The following TARS3 variants were observed in gnomAD, a reference collection of about 807,000 sequenced individuals.
TARS3 encodes threonine--tRNA ligase 2, cytoplasmic.
A neutral mutation model predicts 103.5 loss-of-function variants in TARS3; 94 were observed. The observed-to-expected ratio is 0.91, with a 90% CI of 0.77 to 1.08. TARS3 has a LOEUF of 1.08. Among genes scored for constraint, TARS3 ranks in the 50% least tolerant of loss-of-function variants. TARS3 has a pLI of 0.00. For missense variants in TARS3, 952 were observed against 995.2 expected, an observed-to-expected ratio of 0.96 and a Z score of 0.58; for synonymous variants, 416 against 355.4, an observed-to-expected ratio of 1.17 and a Z score of -1.92.
intron 12 of TARS3, among the ~76,000 whole-genome samples, chr15:101,677,799 A>G (rs1310461516): frequency 2.8e-5 from 4 of 143,288 alleles, no homozygotes; most frequent in Non-Finnish European, 6.2e-5. Context: ...AGCCTGGCTA[A>G]TTTTGTATTT....
intron 18 of TARS3, 56 bp from the exon 19 acceptor site, chr15:101,654,786 A>C (rs1897136968): frequency 6.6e-7 from 1 of 1,514,714 alleles, no homozygotes; most frequent in Non-Finnish European, 9.1e-7. Context: ...ACCAAACATT[A>C]AGTCAGCAGT....
At chr15:101,709,705 G>A (rs994788728) in intron 5 of TARS3, among the ~76,000 whole-genome samples, 8 of 152,178 alleles carry the variant, frequency 5.3e-5, no homozygotes, top group Admixed American at 2.0e-4. Flanking sequence ...AGCTCCATGA[G>A]GACAGACTGG....
intron 3 of TARS3, among the ~76,000 whole-genome samples, chr15:101,719,737 T>G (rs1900351614): frequency 6.6e-6 from 1 of 152,158 alleles, no homozygotes; most frequent in Non-Finnish European, 1.5e-5. Flanking sequence ...CTTCCACCGC[T>G]AGACACAAAG....
chr15:101,683,072 TTTTG>T (rs1898318975), intron 12 of TARS3, among the ~76,000 whole-genome samples: 1 of 152,162 alleles, frequency 6.6e-6, no homozygotes, highest in South Asian at 2.1e-4. Context: ...GAGAACCAGC[TTTTG>T]TTTTATTTTT....
At chr15:101,690,835 C>A (rs1220412227) in intron 10 of TARS3, among the ~76,000 whole-genome samples, 1 of 152,044 alleles carries the variant, frequency 6.6e-6, no homozygotes, top group Non-Finnish European at 1.5e-5. Flanking sequence ...GCATTTTTTT[C>A]ACATTAATAT....
At chr15:101,657,950 T>C in intron 16 of TARS3, 93 bp from the exon 17 acceptor site, 1 of 793,584 alleles carries the variant, frequency 1.3e-6, no homozygotes, top group Non-Finnish European at 1.9e-6. Context: ...TTTAAAGACT[T>C]CACAAGAGGG....
chr15:101,676,145 T>C lies in TARS3; in HGVS notation c.1651-408A>G, dbSNP rs76696595. Among the ~76,000 whole-genome samples, 94 of 152,182 alleles carry C rather than the reference T, an allele frequency of 6.2e-4. 1 individual carries two copies. In the East Asian group the frequency reaches 0.015, roughly 24 times the overall value. On this transcript the variant is annotated intron_variant, in intron 12 of 18. Transcript: ENST00000335968. ...GACTAAGTCGGGGGGCTGCATACGATGGGCTGAAGGGCAGAGGGGCAGTGT... is the reference window on the plus strand; with the variant it reads ...GACTAAGTCGGGGGGCTGCATACGACGGGCTGAAGGGCAGAGGGGCAGTGT...
Position 101,724,378 on chromosome 15 carries a change from C to T in TARS3, c.10G>A (p.Glu4Lys), listed in dbSNP as rs769553250. 5 of 1,505,680 alleles carry T rather than the reference C, an allele frequency of 3.3e-6. No individual in the cohort carries two copies. Among genetic ancestry groups the T allele is most frequent in the Non-Finnish European group, 3.5e-6 (4 of 1,133,706 alleles). The allele number at this position is 1,505,680 out of a possible 1,614,324, so 93.3% of individuals were successfully genotyped here. A position where few individuals can be genotyped will look rare whatever the true frequency, so the allele number is the denominator to read the frequency against. The change falls in exon 1 of 19, where the codon GAG becomes AAG. Residue 4 changes from glutamate (E) to lysine (K), a missense_variant. Glu to Lys is a moderately conservative substitution (Grantham distance 56). This residue lies in a region of TARS3 where 412 missense variants were observed against 364.2 expected (regional missense o/e 1.13). Transcript: ENST00000335968. MAA[E>K]ALAAEAVASR... ...GCCACGGCCTCCGCCGCCAGGGCCT[C>T]GGCCGCCATCGCGGCCTCCCTCAGG...
intron 10 of TARS3, among the ~76,000 whole-genome samples, chr15:101,687,662 G>C (rs1256717540): frequency 1.3e-5 from 2 of 152,108 alleles, no homozygotes; most frequent in Non-Finnish European, 2.9e-5. Flanking sequence ...TTCTTGAGAT[G>C]TTTAGAAATG....
At chr15:101,662,066 A>G (rs1302210612) in intron 15 of TARS3, among the ~76,000 whole-genome samples, 1 of 152,192 alleles carries the variant, frequency 6.6e-6, no homozygotes, top group African/African-American at 2.4e-5. Context: ...ATGAACTTCC[A>G]CATACCCTCT....
intron 12 of TARS3, among the ~76,000 whole-genome samples, chr15:101,678,505 CTTTT>C (rs60444420): frequency 6.8e-6 from 1 of 148,058 alleles, no homozygotes; most frequent in Non-Finnish European, 1.5e-5. Context: ...CTGTCTATAG[CTTTT>C]TTTTTTATTG....
rs946332299 is a variant in TARS3 at position 101,698,260 on chromosome 15, A to G, written c.1320+2826T>C. Among the ~76,000 whole-genome samples, 9 of 152,306 alleles carry G rather than the reference A, an allele frequency of 5.9e-5. 1 individual carries two copies. The highest frequency in any genetic ancestry group is 5.9e-4 in the Admixed American group (9 of 15,308). ...GGCAGGAGAATGGCGTGAGCCTGGG[A>G]GGCAGGAGGTTGCAGTGAGCTGAGA... On this transcript the variant is annotated intron_variant, in intron 10 of 18. Transcript: ENST00000335968.
At chr15:101,720,895 G>A (rs985154049) in intron 3 of TARS3, among the ~76,000 whole-genome samples, 2 of 152,168 alleles carry the variant, frequency 1.3e-5, no homozygotes, top group African/African-American at 4.8e-5. Flanking sequence ...ATGTGAAGAA[G>A]GACATGCTTG....
At chr15:101,710,171 T>C (rs930069255) in intron 5 of TARS3, among the ~76,000 whole-genome samples, 1 of 152,186 alleles carries the variant, frequency 6.6e-6, no homozygotes, top group Non-Finnish European at 1.5e-5. Flanking sequence ...AGCTTCCAGG[T>C]TGTTGAACAC....
At chr15:101,672,711 G>A (rs564304788) in intron 13 of TARS3, among the ~76,000 whole-genome samples, 5 of 152,068 alleles carry the variant, frequency 3.3e-5, no homozygotes, top group African/African-American at 4.8e-5. Flanking sequence ...GGAGTGTCCC[G>A]CATAGGCCTG....
intron 3 of TARS3, among the ~76,000 whole-genome samples, chr15:101,720,153 T>C (rs991013017): frequency 6.6e-6 from 1 of 152,220 alleles, no homozygotes; most frequent in East Asian, 1.9e-4. Context: ...TATAATAGGA[T>C]GAATCAGAAA....
rs1463847791 is a variant in TARS3 at position 101,723,094 on chromosome 15, T to A, written c.368A>T (p.Glu123Val). The A allele has an allele frequency of 1.4e-5, 22 of 1,613,988 alleles. No homozygotes were observed. The highest frequency in any genetic ancestry group is 8.9e-5 in the East Asian group (4 of 44,900). ...ATTGTTTCCACAGCAACAACTTACCTCGCTGTCAGCCTCGCTTTCCTTCAT... is the reference window on the plus strand; with the variant it reads ...ATTGTTTCCACAGCAACAACTTACCACGCTGTCAGCCTCGCTTTCCTTCAT... ...KKMKESEADS[E>V]VKHQPIFIKE... The change falls in exon 2 of 19, where the codon GAG (glutamate) becomes GTG (valine). Residue 123 changes from glutamate to valine, a missense_variant and splice_region_variant. Physicochemically the swap from Glu to Val is moderately radical, Grantham distance 121. Transcript: ENST00000335968.
chr15:101,708,177 G>A (rs1312460922), intron 6 of TARS3, among the ~76,000 whole-genome samples: 4 of 146,970 alleles, frequency 2.7e-5, no homozygotes, highest in African/African-American at 9.9e-5. Context: ...AGGAGGCGGA[G>A]GTTGCAGTGA....
chr15:101,704,618 G>A (rs1424579329), intron 7 of TARS3, among the ~76,000 whole-genome samples: 1 of 147,814 alleles, frequency 6.8e-6, no homozygotes. Flanking sequence ...TCGCGCCATC[G>A]CACTCCAGCC....
Sources: allele counts gnomAD v4.1 joint callset (sites outside exome capture counted in the v4.1 genomes callset), GRCh38; gene constraint gnomAD v4.1.1; regional missense constraint gnomAD v4.1.1; transcripts MANE v1.5; gene names NCBI Gene and HGNC (gene_info 2026-07-23, HGNC 2026-07-21).